Variants in TTC3 observed in about 807,000 individuals in gnomAD.
TTC3 encodes tetratricopeptide repeat domain 3.
In TTC3, 180 loss-of-function variants were observed where a neutral mutation model predicts 249.6. The ratio of observed to expected loss-of-function variants is 0.72; its 90% confidence interval spans 0.64 to 0.82. The LOEUF is 0.82. Ranked by LOEUF, TTC3 falls within the 40% of genes least tolerant of loss-of-function variation. The pLI, the probability that TTC3 is intolerant of heterozygous loss-of-function variation, is 0.00. For synonymous variants in TTC3, 717 were observed against 805.0 expected (o/e 0.89, Z 1.85); for missense variants, 2,061 against 2,398.4 (o/e 0.86, Z 2.94).
intron 6 of TTC3, among the ~76,000 whole-genome samples, 162 bp from the exon 7 acceptor site, chr21:37,091,131 G>A (rs1334938925): frequency 2.6e-5 from 4 of 152,176 alleles, no homozygotes; most frequent in Non-Finnish European, 4.4e-5. Flanking sequence ...ATATGTCAGA[G>A]TCTGTCTACT....
intron 16 of TTC3, among the ~76,000 whole-genome samples, chr21:37,130,474 G>A (rs2077382855): frequency 6.6e-6 from 1 of 151,954 alleles, no homozygotes; most frequent in African/African-American, 2.4e-5. Flanking sequence ...TACCATATGG[G>A]ACTATTTCTT....
Position 37,129,045 on chromosome 21 carries a change from A to G in TTC3, c.1340A>G (p.Asn447Ser), listed in dbSNP as rs748859999. 15 of 1,594,102 alleles carry G rather than the reference A, an allele frequency of 9.4e-6. No homozygotes were observed. The African/African-American group carries it at 1.2e-4, about 13-fold the overall frequency. ...AAAGGAAAACAAAAATCTCGAAACAATGAATCAGAAAAGTTCAGGTATGTT... is the reference window on the plus strand; with the variant it reads ...AAAGGAAAACAAAAATCTCGAAACAGTGAATCAGAAAAGTTCAGGTATGTT... Residue 447 changes from asparagine (N) to serine (S), a missense_variant, in exon 16 of 46, where the codon AAT (asparagine) becomes AGT (serine). This residue lies in a region of TTC3 where 989 missense variants were observed against 1,145.1 expected (regional missense o/e 0.86). Transcript: ENST00000355666.
At chr21:37,104,287 C>G (rs777659503) in intron 10 of TTC3, among the ~76,000 whole-genome samples, 3 of 152,130 alleles carry the variant, frequency 2.0e-5, no homozygotes, top group Non-Finnish European at 2.9e-5. Context: ...CTCTCGGACA[C>G]TGAATCGAAG....
At chr21:37,076,736 C>G (rs1434183235) in intron 1 of TTC3, among the ~76,000 whole-genome samples, 2 of 72,514 alleles carry the variant, frequency 2.8e-5, no homozygotes, top group East Asian at 4.4e-4. Flanking sequence ...AAGTTTTGCT[C>G]TTTTTGCCCA....
At chr21:37,110,398 CTAT>C (rs1402266924) in intron 11 of TTC3, among the ~76,000 whole-genome samples, 3 of 152,164 alleles carry the variant, frequency 2.0e-5, no homozygotes, top group African/African-American at 7.2e-5. Context: ...GGCACGAGAA[CTAT>C]GTGACAAATG....
chr21:37,140,126 C>CA (rs2078301702), intron 19 of TTC3, among the ~76,000 whole-genome samples: 6 of 152,122 alleles, frequency 3.9e-5, no homozygotes, highest in Admixed American at 2.6e-4. Flanking sequence ...TTTCATCCGT[C>CA]TTGTGCCACA....
chr21:37,093,527 A>G (rs1195149514), intron 7 of TTC3: 1 of 152,450 alleles, frequency 6.6e-6, no homozygotes, highest in Non-Finnish European at 1.5e-5. Flanking sequence ...ATTTTGAATA[A>G]GAGATACTCA....
chr21:37,172,818 C>G, intron 35 of TTC3, 74 bp downstream of exon 35: 3 of 1,535,820 alleles, frequency 2.0e-6, no homozygotes, highest in Non-Finnish European at 2.6e-6. Flanking sequence ...TGTGCTTGTG[C>G]GGCCTCAGCT....
At chr21:37,165,030 G>C (rs2081122673) in intron 32 of TTC3, among the ~76,000 whole-genome samples, 1 of 152,200 alleles carries the variant, frequency 6.6e-6, no homozygotes, top group East Asian at 1.9e-4. Flanking sequence ...GAGAACTCTT[G>C]GGTGACAGTG....
At chr21:37,138,797 T>C in intron 19 of TTC3, 83 bp downstream of exon 19, 4 of 930,246 alleles carry the variant, frequency 4.3e-6, no homozygotes, top group Non-Finnish European at 6.5e-6. Context: ...TTTACCCATT[T>C]TCTTCTCTGT....
In TTC3 at chr21:37,073,409, C is replaced by T. The variant is rs1008243500; in HGVS notation, c.-12+45C>T. On this transcript the variant is annotated intron_variant, in intron 1 of 45. Coordinates refer to ENST00000355666, the Ensembl canonical transcript of TTC3. ...GCTGCCGGGCTCCCGGATGTGTCAC[C>T]TTGTCCCGCTGCAGCCGAGATGCCG... is the stretch of plus-strand genomic sequence containing the variant. 5.1e-6 allele frequency: 5 copies of T among 986,786 alleles called. No homozygotes were observed. The African/African-American group carries it at 5.2e-5, about 10-fold the overall frequency. 61.1% of individuals were successfully genotyped at this position (986,786 alleles called of 1,614,324 possible). A position where few individuals can be genotyped will look rare whatever the true frequency, so the allele number is the denominator to read the frequency against.
intron 11 of TTC3, among the ~76,000 whole-genome samples, chr21:37,114,983 G>T (rs184692073): frequency 9.9e-5 from 15 of 152,008 alleles, no homozygotes; most frequent in Non-Finnish European, 2.9e-5. Flanking sequence ...ATTGAACAAT[G>T]AGAGCACATG....
chr21:37,138,226 A>T (rs928927662), intron 18 of TTC3, among the ~76,000 whole-genome samples: 62 of 152,180 alleles, frequency 4.1e-4, no homozygotes, highest in African/African-American at 1.2e-3. Flanking sequence ...AGTTTGTGAG[A>T]CTCACTTGAT....
chr21:37,193,199 C>T (rs892822040), intron 41 of TTC3, among the ~76,000 whole-genome samples: 1 of 147,838 alleles, frequency 6.8e-6, no homozygotes, highest in African/African-American at 2.5e-5. Flanking sequence ...GAGCACTGTC[C>T]CCGCTCTGCA....
intron 13 of TTC3, among the ~76,000 whole-genome samples, chr21:37,123,691 T>C (rs1441124635): frequency 1.3e-5 from 2 of 152,206 alleles, no homozygotes; most frequent in East Asian, 3.8e-4. Flanking sequence ...TTAATTTTAG[T>C]ATCCTAATTT....
At chr21:37,143,025 G>A (rs2078639272) in intron 20 of TTC3, among the ~76,000 whole-genome samples, 1 of 152,182 alleles carries the variant, frequency 6.6e-6, no homozygotes, top group South Asian at 2.1e-4. Context: ...AATGGTGCTG[G>A]GAAAACTGGC....
At chr21:37,183,338 G>T (rs1021028711) in intron 36 of TTC3, among the ~76,000 whole-genome samples, 2 of 152,068 alleles carry the variant, frequency 1.3e-5, no homozygotes, top group African/African-American at 4.8e-5. Context: ...AATTTGTCTT[G>T]TAGTGTGAAC....
intron 35 of TTC3, among the ~76,000 whole-genome samples, chr21:37,175,879 C>T (rs1365418279): frequency 7.1e-6 from 1 of 140,868 alleles, no homozygotes; most frequent in African/African-American, 2.7e-5. Flanking sequence ...CCAGCATTCT[C>T]CTGCCTCAGC....
intron 9 of TTC3, among the ~76,000 whole-genome samples, chr21:37,096,360 T>G (rs1379558291): frequency 6.6e-6 from 1 of 152,232 alleles, no homozygotes; most frequent in African/African-American, 2.4e-5. Context: ...ATCTTCATTT[T>G]GAATATAGGG....
Sources: allele counts gnomAD v4.1 joint callset (sites outside exome capture counted in the v4.1 genomes callset), GRCh38; gene constraint gnomAD v4.1.1; regional missense constraint gnomAD v4.1.1; transcripts MANE v1.5; gene names NCBI Gene and HGNC (gene_info 2026-07-23, HGNC 2026-07-21).